Variants in JAK2 observed in about 807,000 individuals in gnomAD.
JAK2 encodes tyrosine-protein kinase JAK2.
JAK2 carries 86 observed loss-of-function variants against 139.3 expected under a neutral mutation model. That is an observed-to-expected ratio of 0.62 (90% CI 0.52 to 0.74). JAK2 has a LOEUF of 0.74. JAK2 is among the 30% of genes least tolerant of loss of function. The pLI is 0.00. For missense variants in JAK2, 1,421 were observed against 1,360.3 expected, an observed-to-expected ratio of 1.04 and a Z score of -0.70; for synonymous variants, 490 against 437.7, an observed-to-expected ratio of 1.12 and a Z score of -1.49.
At chr9:5,112,345 C>A in intron 22 of JAK2, 1 of 333,240 alleles carries the variant, frequency 3.0e-6, no homozygotes, top group Non-Finnish European at 5.7e-6. Context: ...CTTGGCCTTC[C>A]GACTCCTGCA....
At chr9:5,085,778 A>C in intron 19 of JAK2, 1 of 754,922 alleles carries the variant, frequency 1.3e-6, no homozygotes, top group Non-Finnish European at 2.5e-6. Flanking sequence ...AGTTATTATG[A>C]TGAATATTAC....
At chr9:5,017,961 C>T (rs923549411) in intron 2 of JAK2, among the ~76,000 whole-genome samples, 1 of 152,124 alleles carries the variant, frequency 6.6e-6, no homozygotes, top group African/African-American at 2.4e-5. Flanking sequence ...CTTTTTCTAT[C>T]CCTTTACTTT....
chr9:5,065,339 A>C (rs910640932), intron 9 of JAK2, among the ~76,000 whole-genome samples: 23 of 152,336 alleles, frequency 1.5e-4, no homozygotes, highest in African/African-American at 5.3e-4. Context: ...TTTATGTTTT[A>C]TTAATTTTAA....
At chr9:5,095,225 T>C (rs1350606290) in intron 22 of JAK2, among the ~76,000 whole-genome samples, 1 of 152,186 alleles carries the variant, frequency 6.6e-6, no homozygotes, top group East Asian at 1.9e-4. Flanking sequence ...CTTCCCATAC[T>C]AATTAATCCA....
intron 9 of JAK2, 39 bp from the exon 10 acceptor site, chr9:5,066,639 C>A (rs1273354338): frequency 1.8e-6 from 2 of 1,086,858 alleles, no homozygotes; most frequent in South Asian, 1.3e-5. Flanking sequence ...TATTATGGTG[C>A]TTGATATATT....
intron 4 of JAK2, among the ~76,000 whole-genome samples, chr9:5,036,313 A>T (rs927143766): frequency 3.9e-5 from 6 of 152,242 alleles, no homozygotes; most frequent in African/African-American, 7.2e-5. Context: ...AAAGTCCTTT[A>T]TGGATTCAAT....
chr9:5,068,148 GAC>G (rs147195017), intron 10 of JAK2, among the ~76,000 whole-genome samples: 11,944 of 143,020 alleles, frequency 0.084, 1,492 homozygotes, highest in African/African-American at 0.28. Flanking sequence ...GACAGAGCGA[GAC>G]ACGGTCTCAA....
chr9:5,108,198 T>G (rs920126760), intron 22 of JAK2: 13 of 152,240 alleles, frequency 8.5e-5, no homozygotes, highest in Admixed American at 8.5e-4. Context: ...ACAAAAAAGC[T>G]CTATATTTCT....
rs745497028 is a variant in JAK2, at chr9:5,022,218, G to A, written c.226+5G>A. ...TTGCTGCTTCTAAAGCTTGTGGTAA[G>A]TATTAAAAAACAGCATTTTCCTTTT... is the stretch of plus-strand genomic sequence containing the variant. On this transcript the variant is annotated splice_donor_5th_base_variant and intron_variant, in intron 3 of 24. Coordinates refer to ENST00000381652, the MANE Select transcript of JAK2 (RefSeq NM_004972.4). 3.4e-5 allele frequency: 55 copies of A among 1,606,252 alleles called. No homozygotes were observed. Among genetic ancestry groups the A allele is most frequent in the Middle Eastern group, 3.3e-4 (2 of 6,060 alleles).
At chr9:5,055,448 G>T (rs944107355) in intron 7 of JAK2, among the ~76,000 whole-genome samples, 1 of 151,974 alleles carries the variant, frequency 6.6e-6, no homozygotes, top group Non-Finnish European at 1.5e-5. Flanking sequence ...GCACATTTTA[G>T]ATTCCTGGCA....
At chr9:5,094,267 C>A (rs114835266) in intron 22 of JAK2, 1 of 152,210 alleles carries the variant, frequency 6.6e-6, no homozygotes, top group African/African-American at 2.4e-5. Flanking sequence ...CGACCCTCAA[C>A]GTCTACTGTT....
chr9:5,063,389 G>A (rs1818326898), intron 8 of JAK2, among the ~76,000 whole-genome samples: 1 of 152,144 alleles, frequency 6.6e-6, no homozygotes, highest in Admixed American at 6.5e-5. Context: ...TTCGATCACA[G>A]CATCTTACTT....
chr9:5,031,677 C>T (rs1823156526), intron 4 of JAK2, among the ~76,000 whole-genome samples: 1 of 152,074 alleles, frequency 6.6e-6, no homozygotes, highest in South Asian at 2.1e-4. Context: ...ATTTAAGTTG[C>T]AAAACAATAG....
intron 13 of JAK2, 80 bp downstream of exon 13, chr9:5,072,706 G>C: frequency 9.4e-7 from 1 of 1,061,276 alleles, no homozygotes; most frequent in South Asian, 3.3e-5. Flanking sequence ...GTACTCATGT[G>C]TGCAGCTTTT....
At chr9:5,037,002 T>A (rs10481522) in intron 4 of JAK2, among the ~76,000 whole-genome samples, 96,037 of 151,960 alleles carry the variant, frequency 0.63, 32,146 homozygotes, top group African/African-American at 0.87. Context: ...CAATGAACTC[T>A]AACAAATTTA....
At chr9:5,033,588 A>G (rs932056424) in intron 4 of JAK2, among the ~76,000 whole-genome samples, 2 of 152,252 alleles carry the variant, frequency 1.3e-5, no homozygotes, top group African/African-American at 2.4e-5. Flanking sequence ...CCAATATTCA[A>G]CATTCTTAAA....
intron 22 of JAK2, among the ~76,000 whole-genome samples, chr9:5,102,262 G>C (rs546523836): frequency 6.6e-6 from 1 of 152,254 alleles, no homozygotes; most frequent in South Asian, 2.1e-4. Context: ...TTCACTAGCC[G>C]ACTTGATCAA....
At chr9:5,112,425 G>A in intron 22 of JAK2, 1 of 499,976 alleles carries the variant, frequency 2.0e-6, no homozygotes, top group Non-Finnish European at 3.7e-6. Flanking sequence ...CACGTCGGCG[G>A]CTGACCACTC....
chr9:5,082,808 C>T (rs941963382), intron 19 of JAK2, among the ~76,000 whole-genome samples: 24 of 152,254 alleles, frequency 1.6e-4, no homozygotes, highest in Admixed American at 1.6e-3. Flanking sequence ...GCACATCCTA[C>T]ACAGCCCTAG....
Sources: gnomAD v4.1 joint callset for allele counts (sites outside exome capture counted in the v4.1 genomes callset) on GRCh38, gnomAD v4.1.1 for gene constraint, MANE v1.5 for transcripts, NCBI Gene and HGNC (gene_info 2026-07-23, HGNC 2026-07-21) for gene names.